Variants in CAMK1D observed in about 807,000 individuals in gnomAD.
CAMK1D encodes the protein calcium/calmodulin-dependent protein kinase type 1D.
Under a neutral mutation model 47.7 loss-of-function variants are expected in CAMK1D, and 9 were observed. The ratio of observed to expected loss-of-function variants is 0.19; its 90% confidence interval spans 0.11 to 0.33. CAMK1D has a LOEUF of 0.33. Among genes scored for constraint, CAMK1D ranks in the 10% least tolerant of loss-of-function variants. CAMK1D has a pLI of 1.00. For missense variants in CAMK1D, 291 were observed against 488.7 expected (o/e 0.60, Z 3.81); for synonymous variants, 184 against 184.9 (o/e 0.99, Z 0.04).
intron 2 of CAMK1D, among the ~76,000 whole-genome samples, chr10:12,647,705 GC>G (rs1323007115): frequency 6.6e-6 from 1 of 152,168 alleles, no homozygotes; most frequent in East Asian, 1.9e-4. Context: ...AGCCAGCCAT[GC>G]CCTTCCCATG....
chr10:12,625,266 G>A (rs1839172328), intron 2 of CAMK1D, among the ~76,000 whole-genome samples: 1 of 150,660 alleles, frequency 6.6e-6, no homozygotes, highest in South Asian at 2.1e-4. Flanking sequence ...GACCTGGGAG[G>A]CGGAGGTTGC....
chr10:12,671,531 G>A (rs973594666), intron 3 of CAMK1D, among the ~76,000 whole-genome samples: 1 of 151,738 alleles, frequency 6.6e-6, no homozygotes, highest in African/African-American at 2.4e-5. Context: ...ATTTCGGTTT[G>A]TATTTTCCTG....
intron 1 of CAMK1D, among the ~76,000 whole-genome samples, chr10:12,463,948 G>C (rs1378178933): frequency 6.6e-6 from 1 of 152,052 alleles, no homozygotes; most frequent in African/African-American, 2.4e-5. Flanking sequence ...AAGATGCCTT[G>C]CTTCCCCTTC....
intron 1 of CAMK1D, among the ~76,000 whole-genome samples, chr10:12,546,761 G>C (rs192412502): frequency 1.2e-4 from 18 of 148,260 alleles, no homozygotes; most frequent in African/African-American, 4.0e-4. Flanking sequence ...AGTGAACAAT[G>C]AGAACACATG....
At chr10:12,721,335 T>C (rs1215604217) in intron 3 of CAMK1D, among the ~76,000 whole-genome samples, 13 of 152,190 alleles carry the variant, frequency 8.5e-5, no homozygotes, top group Admixed American at 2.6e-4. Context: ...AACCAACTTA[T>C]AAAAACACCT....
At chr10:12,639,408 C>T (rs973873470) in intron 2 of CAMK1D, among the ~76,000 whole-genome samples, 7 of 152,198 alleles carry the variant, frequency 4.6e-5, no homozygotes, top group Non-Finnish European at 7.3e-5. Flanking sequence ...TCACTTGAAC[C>T]CGCGAGGCGG....
intron 3 of CAMK1D, among the ~76,000 whole-genome samples, chr10:12,691,396 TATATATAAATATATATATA>T (rs1832905777): frequency 5.5e-4 from 4 of 7,282 alleles, no homozygotes; most frequent in Non-Finnish European, 7.9e-4. Flanking sequence ...TATATATATA[TATATATAAATATATATATA>T]TATATATTTT....
At chr10:12,588,937 A>G (rs1334206553) in intron 2 of CAMK1D, among the ~76,000 whole-genome samples, 1 of 151,842 alleles carries the variant, frequency 6.6e-6, no homozygotes, top group Non-Finnish European at 1.5e-5. Flanking sequence ...ATACATGTAT[A>G]CAATACACAT....
chr10:12,564,268 A>G (rs1481835940), intron 2 of CAMK1D, among the ~76,000 whole-genome samples: 1 of 152,058 alleles, frequency 6.6e-6, no homozygotes, highest in Non-Finnish European at 1.5e-5. Flanking sequence ...CCTGAGATGG[A>G]CTAAGATGGC....
chr10:12,503,728 C>G (rs1001078292), intron 1 of CAMK1D, among the ~76,000 whole-genome samples: 1 of 152,142 alleles, frequency 6.6e-6, no homozygotes, highest in African/African-American at 2.4e-5. Context: ...TCCCCCTTTT[C>G]CATGATGATT....
At chr10:12,426,625 T>C (rs1178002758) in intron 1 of CAMK1D, among the ~76,000 whole-genome samples, 1 of 152,232 alleles carries the variant, frequency 6.6e-6, no homozygotes, top group Non-Finnish European at 1.5e-5. Context: ...CAGGGCTTCA[T>C]GCAGCATTGA....
intron 10 of CAMK1D, among the ~76,000 whole-genome samples, 187 bp from the exon 11 acceptor site, chr10:12,828,582 A>G (rs1051132779): frequency 6.6e-6 from 1 of 151,828 alleles, no homozygotes; most frequent in Non-Finnish European, 1.5e-5. Context: ...CAGAGGTTGC[A>G]GTGACCCGAG....
chr10:12,410,367 G>C (rs1178410691), intron 1 of CAMK1D, among the ~76,000 whole-genome samples: 2 of 152,156 alleles, frequency 1.3e-5, no homozygotes, highest in Non-Finnish European at 1.5e-5. Flanking sequence ...TGGTGCACTT[G>C]TCTGAAGATA....
At chr10:12,682,414 G>A (rs1832480542) in intron 3 of CAMK1D, among the ~76,000 whole-genome samples, 1 of 151,828 alleles carries the variant, frequency 6.6e-6, no homozygotes, top group Non-Finnish European at 1.5e-5. Flanking sequence ...AATTGGAGAA[G>A]GTTTATGTTA....
intron 5 of CAMK1D, among the ~76,000 whole-genome samples, chr10:12,778,278 C>T (rs912256724): frequency 7.2e-5 from 11 of 152,138 alleles, no homozygotes; most frequent in Admixed American, 6.5e-4. Context: ...GTGCTTTTTC[C>T]CCAAGTATCC....
chr10:12,824,678 A>G lies in CAMK1D; in HGVS notation c.921+126A>G, dbSNP rs1459970923. The G allele has an allele frequency of 7.1e-6, 5 of 700,990 alleles. No individual in the cohort carries two copies. The Admixed American group carries it at 1.1e-4, about 15-fold the overall frequency. 43.4% of individuals were successfully genotyped at this position (700,990 alleles called of 1,614,324 possible). ...ATTTTGCTAATTTTAACTGCAAGTA[A>G]TAAAGACTCAGAGGGAATATTATGG... On this transcript the variant is annotated intron_variant, in intron 9 of 10. Coordinates refer to ENST00000619168, the MANE Select transcript of CAMK1D (RefSeq NM_153498.4).
Position 12,522,248 on chromosome 10 carries a change from G to C in CAMK1D, c.93-30977G>C, listed in dbSNP as rs547786583. ...CATTCTTGGGTGTTTCTCGCAGAGG[G>C]GGATTTGGCAGGGTCACAGGACAAT... is the stretch of plus-strand genomic sequence containing the variant. On this transcript the variant is annotated intron_variant, in intron 1 of 10. Transcript: ENST00000619168. Among the ~76,000 whole-genome samples, 515 of 146,192 alleles carry C rather than the reference G, an allele frequency of 3.5e-3. 5 individuals carry two copies. Among genetic ancestry groups the C allele is most frequent in the Non-Finnish European group, 5.8e-3 (386 of 66,754 alleles).
chr10:12,669,185 T>G (rs1400387308), intron 3 of CAMK1D, among the ~76,000 whole-genome samples: 1 of 152,018 alleles, frequency 6.6e-6, no homozygotes, highest in African/African-American at 2.4e-5. Flanking sequence ...TGAGCTGAGA[T>G]TGTGCCACTG....
intron 3 of CAMK1D, among the ~76,000 whole-genome samples, chr10:12,685,280 G>A (rs7895942): frequency 0.3 from 45,475 of 152,112 alleles, 7,507 homozygotes; most frequent in South Asian, 0.51. Flanking sequence ...CAGCCTGGGC[G>A]ACAGAACGAG....
Sources: allele counts gnomAD v4.1 joint callset (sites outside exome capture counted in the v4.1 genomes callset), GRCh38; gene constraint gnomAD v4.1.1; transcripts MANE v1.5; gene names NCBI Gene and HGNC (gene_info 2026-07-23, HGNC 2026-07-21).